Variants in JAKMIP3 observed in about 807,000 individuals in gnomAD.
The protein encoded by JAKMIP3 is Janus kinase and microtubule interacting protein 3.
A neutral mutation model predicts 118.5 loss-of-function variants in JAKMIP3; 58 were observed. That is an observed-to-expected ratio of 0.49 (90% CI 0.40 to 0.61). JAKMIP3 has a LOEUF of 0.61. Among genes scored for constraint, JAKMIP3 ranks in the 20% least tolerant of loss-of-function variants. The probability of loss-of-function intolerance (pLI) is 0.00; values close to 1 mark genes in which losing one functional copy is unlikely to be tolerated. For synonymous variants in JAKMIP3, 486 were observed against 451.2 expected, an observed-to-expected ratio of 1.08 and a Z score of -0.98; for missense variants, 950 against 1,109.0, an observed-to-expected ratio of 0.86 and a Z score of 2.04.
intron 1 of JAKMIP3, among the ~76,000 whole-genome samples, chr10:132,098,621 G>C (rs555545893): frequency 3.9e-5 from 6 of 152,322 alleles, no homozygotes; most frequent in Admixed American, 2.6e-4. Flanking sequence ...AGCCCTTCTA[G>C]GTATCACTGT....
intron 1 of JAKMIP3, among the ~76,000 whole-genome samples, chr10:132,069,030 C>T (rs1033062948): frequency 3.9e-5 from 6 of 152,102 alleles, no homozygotes; most frequent in Admixed American, 6.5e-5. Flanking sequence ...CGGCTGAGTT[C>T]GAGGGGAGCG....
intron 1 of JAKMIP3, among the ~76,000 whole-genome samples, chr10:132,079,759 G>C (rs7072789): frequency 0.26 from 40,097 of 152,046 alleles, 5,440 homozygotes; most frequent in Middle Eastern, 0.4. Flanking sequence ...CCTCGTCCAG[G>C]CCCTGGCAGC....
intron 23 of JAKMIP3, among the ~76,000 whole-genome samples, chr10:132,180,638 CGTGTGTGCGTGTGCGT>C (rs2060931846): frequency 1.1e-4 from 1 of 9,376 alleles, no homozygotes; most frequent in African/African-American, 4.8e-4. Flanking sequence ...TGTGTGCGTG[CGTGTGTGCGTGTGCGT>C]GTGCGTGTGT....
At chr10:132,145,285 C>A in intron 12 of JAKMIP3, 95 bp downstream of exon 12, 2 of 1,109,398 alleles carry the variant, frequency 1.8e-6, no homozygotes, top group African/African-American at 1.5e-5. Flanking sequence ...GCGATCATAA[C>A]TTTCTACAGC....
chr10:132,167,840 T>G, intron 22 of JAKMIP3, 113 bp from the exon 23 acceptor site: 1 of 639,250 alleles, frequency 1.6e-6, no homozygotes, highest in Non-Finnish European at 2.3e-6. Flanking sequence ...CCCTCGGCCC[T>G]CGCCCCTCGC....
chr10:132,171,105 G>C (rs887110425), intron 23 of JAKMIP3, among the ~76,000 whole-genome samples: 1 of 152,250 alleles, frequency 6.6e-6, no homozygotes, highest in African/African-American at 2.4e-5. Flanking sequence ...GGAGAGGAGA[G>C]CGATGCCTTT....
chr10:132,134,226 A>G (rs2051265990), intron 4 of JAKMIP3, among the ~76,000 whole-genome samples: 1 of 152,124 alleles, frequency 6.6e-6, no homozygotes, highest in South Asian at 2.1e-4. Flanking sequence ...CCTCTCCTGC[A>G]CCTGTTGAAT....
intron 1 of JAKMIP3, among the ~76,000 whole-genome samples, chr10:132,042,162 C>T (rs920591384): frequency 3.4e-5 from 5 of 147,660 alleles, no homozygotes; most frequent in South Asian, 2.2e-4. Flanking sequence ...CACCGTGCCC[C>T]GCTAGTTCAC....
chr10:132,182,453 G>A lies in JAKMIP3; in HGVS notation c.*1200G>A, dbSNP rs560162361. On this transcript the variant is annotated 3_prime_UTR_variant, in exon 24 of 24. Transcript: ENST00000684848. ...GCCCGGGAGCTTCGTCCAGCCTGTG[G>A]ATGGAGCCTGACTGGCTGCAGATGG... 1 of 152,400 alleles carries A rather than the reference G, an allele frequency of 6.6e-6. No individual in the cohort carries two copies. Among genetic ancestry groups the A allele is most frequent in the South Asian group, 2.1e-4 (1 of 4,832 alleles). The allele number at this position is 152,400 out of a possible 1,614,324, so 9.4% of individuals were successfully genotyped here.
intron 3 of JAKMIP3, among the ~76,000 whole-genome samples, chr10:132,122,766 A>G (rs2048779158): frequency 6.6e-6 from 1 of 152,184 alleles, no homozygotes; most frequent in South Asian, 2.1e-4. Context: ...GCAGGGCTGC[A>G]AGGCTGCACT....
At chr10:132,124,848 C>G (rs2049212244) in intron 3 of JAKMIP3, among the ~76,000 whole-genome samples, 1 of 151,388 alleles carries the variant, frequency 6.6e-6, no homozygotes, top group Non-Finnish European at 1.5e-5. Flanking sequence ...AGAGCCCCCT[C>G]TCGTTCTACA....
intron 3 of JAKMIP3, among the ~76,000 whole-genome samples, chr10:132,132,015 C>T (rs920851372): frequency 1.3e-5 from 2 of 152,208 alleles, no homozygotes; most frequent in East Asian, 3.9e-4. Context: ...AATGCCAGGC[C>T]GCAGGCACAG....
intron 3 of JAKMIP3, among the ~76,000 whole-genome samples, chr10:132,120,472 G>A (rs959904785): frequency 6.6e-6 from 1 of 152,224 alleles, no homozygotes; most frequent in Non-Finnish European, 1.5e-5. Flanking sequence ...CAGGGACACA[G>A]CTCCCATCAG....
intron 23 of JAKMIP3, among the ~76,000 whole-genome samples, chr10:132,178,719 G>A (rs1590052446): frequency 6.6e-6 from 1 of 152,340 alleles, no homozygotes; most frequent in East Asian, 1.9e-4. Context: ...TGAGGCTGTA[G>A]GTCCCGAGCC....
At chr10:132,067,413 C>G (rs2038960562) in intron 1 of JAKMIP3, among the ~76,000 whole-genome samples, 1 of 152,244 alleles carries the variant, frequency 6.6e-6, no homozygotes, top group Middle Eastern at 3.4e-3. Flanking sequence ...TCCCGACAGC[C>G]CTGGGAAGGC....
chr10:132,108,639 TCTC>T (rs912817420), intron 2 of JAKMIP3, among the ~76,000 whole-genome samples: 7 of 151,582 alleles, frequency 4.6e-5, no homozygotes, highest in African/African-American at 1.2e-4. Context: ...CACCTGCTCT[TCTC>T]CTACCTGGTC....
chr10:132,105,319 G>A (rs532443386), intron 2 of JAKMIP3, among the ~76,000 whole-genome samples: 1 of 152,254 alleles, frequency 6.6e-6, no homozygotes, highest in African/African-American at 2.4e-5. Context: ...GAAACAGAGT[G>A]GGCAGGTATG....
intron 2 of JAKMIP3, among the ~76,000 whole-genome samples, chr10:132,105,925 G>T (rs1276923219): frequency 6.6e-6 from 1 of 152,150 alleles, no homozygotes; most frequent in Non-Finnish European, 1.5e-5. Flanking sequence ...GGGTTATTTG[G>T]GGGTGGTTGC....
At chr10:132,062,810 C>G (rs760052533), upstream of JAKMIP3, among the ~76,000 whole-genome samples, 23 of 152,134 alleles carry the variant, frequency 1.5e-4, no homozygotes, top group Non-Finnish European at 2.9e-4. Context: ...CTTTGCATGA[C>G]GGGAGCTGGG....
Sources: gnomAD v4.1 joint callset for allele counts (sites outside exome capture counted in the v4.1 genomes callset) on GRCh38, gnomAD v4.1.1 for gene constraint, MANE v1.5 for transcripts, NCBI Gene and HGNC (gene_info 2026-07-23, HGNC 2026-07-21) for gene names.